Variants in ZNF610 observed in about 807,000 individuals in gnomAD.
The protein encoded by ZNF610 is zink finger protein.
A neutral mutation model predicts 14.1 loss-of-function variants in ZNF610; 14 were observed. The observed-to-expected ratio is 0.99, with a 90% CI of 0.65 to 1.55. The LOEUF (loss-of-function observed/expected upper bound fraction) is 1.55. Among genes scored for constraint, ZNF610 ranks in the 40% most tolerant of loss-of-function variants. The pLI is 0.00. For synonymous variants in ZNF610, 185 were observed against 187.6 expected (o/e 0.99, Z 0.11); for missense variants, 530 against 558.0 (o/e 0.95, Z 0.51).
rs138214865 is a variant in ZNF610 at position 52,347,555 on chromosome 19, C to T, written c.-257-152C>T. On this transcript the variant is annotated intron_variant, in intron 1 of 5. Coordinates refer to ENST00000403906, the MANE Select transcript of ZNF610 (RefSeq NM_001161425.2). Reference sequence around the variant, plus strand: ...TTTTTGAGACAGCCTCTCACACTGTCGCCCAGGCCGGAATGCAGTGGTGCG... The same window carrying T: ...TTTTTGAGACAGCCTCTCACACTGTTGCCCAGGCCGGAATGCAGTGGTGCG... 1.2e-3 allele frequency among the ~76,000 whole-genome samples: 189 copies of T among 152,354 alleles called. 1 individual carries two copies. The highest frequency in any genetic ancestry group is 2.1e-3 in the Non-Finnish European group (143 of 68,028).
At chr19:52,338,553 C>T (rs965459540) in intron 1 of ZNF610, among the ~76,000 whole-genome samples, 2 of 152,058 alleles carry the variant, frequency 1.3e-5, no homozygotes, top group Non-Finnish European at 2.9e-5. Context: ...CGCATGGTGG[C>T]GTGTGCCTGT....
At position 52,365,964 on chromosome 19, in the gene ZNF610, T is replaced by G; in HGVS notation, c.586T>G (p.Tyr196Asp). Residue 196 changes from tyrosine (Y) to aspartate (D), a missense_variant, in exon 6 of 6, where the codon TAC becomes GAC. Coordinates refer to ENST00000403906, the MANE Select transcript of ZNF610 (RefSeq NM_001161425.2). ...FPLLPQEEKA[Y>D]IRGKSYEYEC... Reference sequence around the variant, plus strand: ...ATTACTCCCACAAGAAGAGAAAGCATACATTAGAGGAAAATCTTATGAATA... The same window carrying G: ...ATTACTCCCACAAGAAGAGAAAGCAGACATTAGAGGAAAATCTTATGAATA... 1.2e-6 allele frequency: 2 copies of G among 1,614,106 alleles called. No individual in the cohort carries two copies. The highest frequency in any genetic ancestry group is 1.7e-6 in the Non-Finnish European group (2 of 1,180,010).
Position 52,341,429 on chromosome 19 carries a change from C to G in ZNF610, c.-258+4923C>G, listed in dbSNP as rs546878848. Among the ~76,000 whole-genome samples the G allele has an allele frequency of 2.3e-4, 35 of 151,852 alleles. No homozygotes were observed. In the East Asian group the frequency reaches 6.6e-3, roughly 29 times the overall value. ...GATTCAAGCGATTCTTCTGCCTCAG[C>G]CTCCTGAGTAGCTGGGATTACAAGC... On this transcript the variant is annotated intron_variant, in intron 1 of 5. Coordinates refer to ENST00000403906, the MANE Select transcript of ZNF610 (RefSeq NM_001161425.2).
intron 5 of ZNF610, among the ~76,000 whole-genome samples, chr19:52,359,465 T>C (rs1985678405): frequency 6.6e-6 from 1 of 152,162 alleles, no homozygotes; most frequent in African/African-American, 2.4e-5. Flanking sequence ...CATGGATACG[T>C]AGGGCAGACT....
chr19:52,333,018 C>G (rs190323700), upstream of ZNF610, among the ~76,000 whole-genome samples: 80 of 152,280 alleles, frequency 5.3e-4, no homozygotes, highest in African/African-American at 1.7e-3. Flanking sequence ...TGCCTTATCA[C>G]CTCCTCTTCC....
chr19:52,338,959 T>G (rs1984524884), intron 1 of ZNF610, among the ~76,000 whole-genome samples: 1 of 151,960 alleles, frequency 6.6e-6, no homozygotes, highest in Non-Finnish European at 1.5e-5. Flanking sequence ...CAGTATTTAT[T>G]GATCACTATC....
chr19:52,362,484 C>T lies in ZNF610; in HGVS notation c.320-3214C>T, dbSNP rs80097101. Among the ~76,000 whole-genome samples the T allele has an allele frequency of 2.5e-4, 38 of 152,334 alleles. 1 individual carries two copies. The East Asian group carries it at 6.9e-3, about 28-fold the overall frequency. ...GCCTGTGCTGGTCTGCAACTCCTGG[C>T]TTGAAGTACTCCTCATGCCTCAAAC... is the stretch of plus-strand genomic sequence containing the variant. On this transcript the variant is annotated intron_variant, in intron 5 of 5. Coordinates refer to ENST00000403906, the MANE Select transcript of ZNF610 (RefSeq NM_001161425.2).
rs150746369 is a variant in ZNF610 at position 52,365,895 on chromosome 19, A to G, written c.517A>G (p.Thr173Ala). 37 of 1,612,902 alleles carry G rather than the reference A, an allele frequency of 2.3e-5. No homozygotes were observed. In the African/African-American group the frequency reaches 3.6e-4, roughly 16 times the overall value. ...TCAAAAAATTTCTTCTAGTTTCACA[A>G]CACACATTTTTAATAAATATAGAAA... Reference protein sequence around the residue: ...PLQKISSSFTTHIFNKYRNDL... With the variant: ...PLQKISSSFTAHIFNKYRNDL... The change falls in exon 6 of 6, where the codon ACA (threonine) becomes GCA (alanine). Residue 173 changes from threonine to alanine, a missense_variant. Transcript: ENST00000403906.
intron 5 of ZNF610, among the ~76,000 whole-genome samples, chr19:52,365,484 A>G (rs868662230): frequency 2.0e-5 from 3 of 152,058 alleles, no homozygotes; most frequent in Non-Finnish European, 1.5e-5. Flanking sequence ...ATCTTTCTCA[A>G]AGTCACTCAT....
At position 52,365,747 on chromosome 19, in the gene ZNF610, T is replaced by C. The variant is rs754215232; in HGVS notation, c.369T>C (p.Asn123=). 6.2e-7 allele frequency: 1 copy of C among 1,611,666 alleles called. No individual in the cohort carries two copies. Among genetic ancestry groups the C allele is most frequent in the African/African-American group, 1.3e-5 (1 of 74,746 alleles). Residue 123 remains asparagine (N), a synonymous_variant, in exon 6 of 6, where the codon AAT becomes AAC. Coordinates refer to ENST00000403906, the MANE Select transcript of ZNF610 (RefSeq NM_001161425.2). ...ATGCAGAAAACAAGCCTATTAAAAA[T>C]CAACTTGGATTAACCCTTGAGGCAC... The part of the protein sequence containing the change: ...GSNAENKPIK[N]QLGLTLEAHL...
At chr19:52,337,139 A>G (rs1984423580) in intron 1 of ZNF610, among the ~76,000 whole-genome samples, 1 of 152,132 alleles carries the variant, frequency 6.6e-6, no homozygotes, top group Admixed American at 6.6e-5. Flanking sequence ...AAGATGAAGC[A>G]AGATTGGGAG....
upstream of ZNF610, among the ~76,000 whole-genome samples, chr19:52,335,282 G>GA (rs1276962769): frequency 2.0e-5 from 3 of 151,934 alleles, no homozygotes; most frequent in Non-Finnish European, 2.9e-5. Flanking sequence ...TCCGTCTCAA[G>GA]AAAAAAAAGC....
At chr19:52,361,800 A>G (rs772202788) in intron 5 of ZNF610, among the ~76,000 whole-genome samples, 7 of 152,144 alleles carry the variant, frequency 4.6e-5, no homozygotes, top group Middle Eastern at 6.8e-3. Context: ...TTGCAGTTTC[A>G]TGACTTTAGT....
At chr19:52,342,451 A>G (rs1000232582) in intron 1 of ZNF610, among the ~76,000 whole-genome samples, 1 of 151,884 alleles carries the variant, frequency 6.6e-6, no homozygotes, top group Non-Finnish European at 1.5e-5. Flanking sequence ...CAATTTGCAC[A>G]GCCGATCACT....
intron 1 of ZNF610, among the ~76,000 whole-genome samples, chr19:52,338,454 T>C (rs1984484840): frequency 6.6e-6 from 1 of 152,118 alleles, no homozygotes; most frequent in South Asian, 2.1e-4. Context: ...GAAGCCAAGG[T>C]GGGCAGATCC....
chr19:52,365,558 C>T, intron 5 of ZNF610, 140 bp from the exon 6 acceptor site: 4 of 762,408 alleles, frequency 5.2e-6, no homozygotes, highest in Non-Finnish European at 4.3e-6. Flanking sequence ...CTTGTGTTTT[C>T]AGCTCTCACA....
intron 1 of ZNF610, among the ~76,000 whole-genome samples, chr19:52,337,121 G>A: frequency 6.6e-6 from 1 of 152,166 alleles, no homozygotes; most frequent in Non-Finnish European, 1.5e-5. Context: ...TGGGTCTCCA[G>A]AGAGATGAAG....
chr19:52,339,630 G>A (rs1023269897), intron 1 of ZNF610, among the ~76,000 whole-genome samples: 17 of 151,074 alleles, frequency 1.1e-4, no homozygotes. Flanking sequence ...AGCATCTCAA[G>A]GCAGAAGAAT....
At chr19:52,356,623 A>T (rs1247887690) in intron 5 of ZNF610, among the ~76,000 whole-genome samples, 1 of 152,176 alleles carries the variant, frequency 6.6e-6, no homozygotes, top group Non-Finnish European at 1.5e-5. Flanking sequence ...ACACTCCAGA[A>T]ATTTTTGAAT....
Sources: gnomAD v4.1 joint callset for allele counts (sites outside exome capture counted in the v4.1 genomes callset) on GRCh38, gnomAD v4.1.1 for gene constraint, MANE v1.5 for transcripts, NCBI Gene and HGNC (gene_info 2026-07-23, HGNC 2026-07-21) for gene names.